Variants in SLC24A2 observed in about 807,000 individuals in gnomAD.
SLC24A2 encodes the protein solute carrier family 24 member 2, also known as sodium/potassium/calcium exchanger 2.
SLC24A2 carries 36 observed loss-of-function variants against 62.0 expected under a neutral mutation model. That is an observed-to-expected ratio of 0.58 (90% CI 0.44 to 0.77). SLC24A2 has a LOEUF of 0.77. Ranked by LOEUF, SLC24A2 falls within the 30% of genes least tolerant of loss-of-function variation. SLC24A2 has a pLI of 0.00. For missense variants in SLC24A2, 846 were observed against 817.9 expected (o/e 1.03, Z -0.42); for synonymous variants, 358 against 294.0 (o/e 1.22, Z -2.23).
the SLC24A2 span, among the ~76,000 whole-genome samples, chr9:19,850,785 G>GT: frequency 6.6e-6 from 1 of 150,684 alleles, no homozygotes; most frequent in Non-Finnish European, 1.5e-5. Flanking sequence ...AACATAGCAT[G>GT]TGTCAATATT....
At chr9:19,622,973 T>C (rs962044487) in intron 2 of SLC24A2, among the ~76,000 whole-genome samples, 26 of 152,324 alleles carry the variant, frequency 1.7e-4, no homozygotes, top group African/African-American at 6.3e-4. Context: ...TCAAGTTTTC[T>C]ATTCTAAAAA....
intron 7 of SLC24A2, 55 bp downstream of exon 7, chr9:19,573,296 G>T: frequency 2.5e-6 from 3 of 1,212,054 alleles, no homozygotes; most frequent in African/African-American, 1.5e-5. Flanking sequence ...GTGCTGCCAC[G>T]CTAGGATATC....
At chr9:19,856,993 G>A in the SLC24A2 span, among the ~76,000 whole-genome samples, 1 of 152,192 alleles carries the variant, frequency 6.6e-6, no homozygotes. Context: ...GGGTTGGGGA[G>A]TAAAATTGCT....
the SLC24A2 span, among the ~76,000 whole-genome samples, chr9:19,996,596 G>C: frequency 3.3e-5 from 5 of 151,886 alleles, no homozygotes; most frequent in African/African-American, 1.2e-4. Flanking sequence ...ACAAAACTAA[G>C]CCAGGCATGC....
At chr9:19,741,719 G>A (rs976156349) in intron 2 of SLC24A2, among the ~76,000 whole-genome samples, 2 of 152,140 alleles carry the variant, frequency 1.3e-5, no homozygotes, top group African/African-American at 4.8e-5. Flanking sequence ...GGTCTTGACT[G>A]ACACAACCTC....
the SLC24A2 span, among the ~76,000 whole-genome samples, chr9:19,930,694 G>C: frequency 6.6e-6 from 1 of 152,148 alleles, no homozygotes; most frequent in African/African-American, 2.4e-5. Flanking sequence ...TATAATTTCA[G>C]GAAGGTTCAC....
the SLC24A2 span, among the ~76,000 whole-genome samples, chr9:20,160,986 C>G: frequency 6.6e-6 from 1 of 150,946 alleles, no homozygotes; most frequent in Non-Finnish European, 1.5e-5. Flanking sequence ...AATGAAAAAA[C>G]TACCAAATAA....
the SLC24A2 span, among the ~76,000 whole-genome samples, chr9:19,925,328 C>T: frequency 6.6e-6 from 1 of 152,134 alleles, no homozygotes; most frequent in East Asian, 1.9e-4. Flanking sequence ...TATATAGGCA[C>T]AGACAAAAAG....
At chr9:19,617,099 A>C (rs1282309238) in intron 4 of SLC24A2, among the ~76,000 whole-genome samples, 1 of 152,084 alleles carries the variant, frequency 6.6e-6, no homozygotes, top group South Asian at 2.1e-4. Flanking sequence ...GGGGAAGACA[A>C]TTTTTCCATG....
At chr9:19,949,404 A>T in the SLC24A2 span, among the ~76,000 whole-genome samples, 3 of 152,188 alleles carry the variant, frequency 2.0e-5, no homozygotes, top group Non-Finnish European at 4.4e-5. Context: ...GCAAAAGAAG[A>T]TAGAGGGAAA....
the SLC24A2 span, among the ~76,000 whole-genome samples, chr9:20,129,928 TACAC>T: frequency 0.12 from 16,370 of 141,846 alleles, 1,322 homozygotes; most frequent in East Asian, 0.42. Flanking sequence ...TATAATTTAC[TACAC>T]ACACACACAC....
At chr9:20,154,586 A>T in the SLC24A2 span, among the ~76,000 whole-genome samples, 2 of 151,732 alleles carry the variant, frequency 1.3e-5, no homozygotes, top group African/African-American at 4.8e-5. Context: ...CAGTCAGGTA[A>T]CATTACGTAA....
At chr9:19,938,367 T>C in the SLC24A2 span, among the ~76,000 whole-genome samples, 1 of 152,154 alleles carries the variant, frequency 6.6e-6, no homozygotes, top group Non-Finnish European at 1.5e-5. Flanking sequence ...CTAAACTGGA[T>C]AGACATTTTT....
the SLC24A2 span, among the ~76,000 whole-genome samples, chr9:20,237,687 T>C: frequency 6.6e-6 from 1 of 152,236 alleles, no homozygotes; most frequent in Non-Finnish European, 1.5e-5. Context: ...GATTTTTTTT[T>C]GTTTTTAATG....
the SLC24A2 span, among the ~76,000 whole-genome samples, chr9:20,242,859 C>T: frequency 6.6e-6 from 1 of 152,092 alleles, no homozygotes; most frequent in Non-Finnish European, 1.5e-5. Flanking sequence ...GTGCTGTCAG[C>T]GAGGCAATCT....
chr9:19,661,601 T>C (rs746341484), intron 2 of SLC24A2, among the ~76,000 whole-genome samples: 1 of 152,166 alleles, frequency 6.6e-6, no homozygotes, highest in Non-Finnish European at 1.5e-5. Context: ...CTTGAACACA[T>C]TTACATTTAC....
chr9:19,522,324 G>A (rs531308078), intron 9 of SLC24A2, among the ~76,000 whole-genome samples: 1 of 152,286 alleles, frequency 6.6e-6, no homozygotes, highest in South Asian at 2.1e-4. Context: ...ACCTATTCAT[G>A]TTTTGCTGGA....
chr9:20,289,719 C>G, the SLC24A2 span, among the ~76,000 whole-genome samples: 1 of 152,094 alleles, frequency 6.6e-6, no homozygotes, highest in Non-Finnish European at 1.5e-5. Context: ...GATGAATGAA[C>G]AAATGAATTG....
chr9:19,566,120 C>G (rs1187758568), intron 7 of SLC24A2, among the ~76,000 whole-genome samples: 5 of 152,026 alleles, frequency 3.3e-5, no homozygotes, highest in African/African-American at 4.8e-5. Flanking sequence ...CAAATGGAAT[C>G]GAATTAAACT....
Sources: allele counts gnomAD v4.1 joint callset (sites outside exome capture counted in the v4.1 genomes callset), GRCh38; gene constraint gnomAD v4.1.1; transcripts MANE v1.5; gene names NCBI Gene and HGNC (gene_info 2026-07-23, HGNC 2026-07-21).